SH3BGRL2: variants seen among roughly 807,000 people sequenced by gnomAD.
SH3BGRL2 encodes SH3 domain binding glutamate rich protein like 2, also known as SH3 domain-binding glutamic acid-rich-like protein 2.
Under a neutral mutation model 14.8 loss-of-function variants are expected in SH3BGRL2, and 21 were observed. The ratio of observed to expected loss-of-function variants is 1.42; its 90% CI spans 1.01 to 2.05. SH3BGRL2 has a LOEUF of 2.05. Among genes scored for constraint, SH3BGRL2 ranks in the 30% most tolerant of loss-of-function variants. SH3BGRL2 has a pLI of 0.00. For synonymous variants in SH3BGRL2, 50 were observed against 47.8 expected, an observed-to-expected ratio of 1.05 and a Z score of -0.19; for missense variants, 147 against 130.8, an observed-to-expected ratio of 1.12 and a Z score of -0.61.
the SH3BGRL2 span, among the ~76,000 whole-genome samples, chr6:79,569,025 G>A: frequency 1.3e-5 from 2 of 152,162 alleles, no homozygotes; most frequent in African/African-American, 4.8e-5. Flanking sequence ...GAGAACATGT[G>A]CCCAAGGTGG....
At chr6:79,637,012 A>C (rs1300593799) in intron 1 of SH3BGRL2, among the ~76,000 whole-genome samples, 1 of 152,204 alleles carries the variant, frequency 6.6e-6, no homozygotes, top group Non-Finnish European at 1.5e-5. Flanking sequence ...CAACATGAGG[A>C]TTGAAATAAA....
the SH3BGRL2 span, among the ~76,000 whole-genome samples, chr6:79,539,145 A>G: frequency 6.6e-6 from 1 of 152,192 alleles, no homozygotes; most frequent in African/African-American, 2.4e-5. Context: ...AAATAACAGT[A>G]TCAGTTTGAC....
At chr6:79,672,302 A>G (rs993743637) in intron 1 of SH3BGRL2, among the ~76,000 whole-genome samples, 28 of 152,142 alleles carry the variant, frequency 1.8e-4, no homozygotes, top group Non-Finnish European at 1.5e-5. Context: ...TTCCTTACCC[A>G]ATTCCTGCTC....
the SH3BGRL2 span, among the ~76,000 whole-genome samples, chr6:79,539,928 C>T: frequency 6.6e-6 from 1 of 152,120 alleles, no homozygotes; most frequent in African/African-American, 2.4e-5. Flanking sequence ...AGCAGTGTCA[C>T]AATTTTATAT....
At chr6:79,627,889 G>A (rs1340781979), upstream of SH3BGRL2, among the ~76,000 whole-genome samples, 2 of 152,010 alleles carry the variant, frequency 1.3e-5, no homozygotes, top group Admixed American at 1.3e-4. Context: ...AGCCTAAAGG[G>A]ACTTGATAGA....
chr6:79,661,667 T>C (rs1403321270), intron 1 of SH3BGRL2, among the ~76,000 whole-genome samples: 1 of 152,180 alleles, frequency 6.6e-6, no homozygotes, highest in East Asian at 1.9e-4. Flanking sequence ...CAGAGCTGAG[T>C]TCAAGTCCTG....
chr6:79,556,510 T>A, the SH3BGRL2 span, among the ~76,000 whole-genome samples: 1 of 152,178 alleles, frequency 6.6e-6, no homozygotes, highest in South Asian at 2.1e-4. Context: ...ACAAAAATAC[T>A]GAATACTGAT....
At chr6:79,556,384 A>G in the SH3BGRL2 span, among the ~76,000 whole-genome samples, 307 of 152,302 alleles carry the variant, frequency 2.0e-3, 1 homozygote, top group African/African-American at 6.9e-3. Flanking sequence ...TTACCCAAAG[A>G]GAATTTACTA....
chr6:79,555,313 G>A, the SH3BGRL2 span, among the ~76,000 whole-genome samples: 1 of 151,956 alleles, frequency 6.6e-6, no homozygotes, highest in Non-Finnish European at 1.5e-5. Flanking sequence ...AGCTGGGCGT[G>A]GTGTTGGGCA....
At chr6:79,684,495 A>G (rs1770054499) in intron 2 of SH3BGRL2, among the ~76,000 whole-genome samples, 1 of 152,016 alleles carries the variant, frequency 6.6e-6, no homozygotes, top group Non-Finnish European at 1.5e-5. Context: ...CACAGAACAT[A>G]CCTAACAAAC....
At chr6:79,581,319 C>T in the SH3BGRL2 span, among the ~76,000 whole-genome samples, 2 of 151,956 alleles carry the variant, frequency 1.3e-5, no homozygotes, top group African/African-American at 4.8e-5. Context: ...TACCAAAGCC[C>T]AGCAGAGACA....
At chr6:79,695,694 C>A (rs902018286) in intron 2 of SH3BGRL2, among the ~76,000 whole-genome samples, 12 of 152,186 alleles carry the variant, frequency 7.9e-5, no homozygotes, top group African/African-American at 2.7e-4. Context: ...AATAACATAA[C>A]ATTTATAAGA....
At chr6:79,571,155 A>C in the SH3BGRL2 span, among the ~76,000 whole-genome samples, 2 of 152,218 alleles carry the variant, frequency 1.3e-5, no homozygotes, top group African/African-American at 4.8e-5. Context: ...AAAGCGCATT[A>C]ATGCTGGTAT....
chr6:79,559,508 CAA>C, the SH3BGRL2 span, among the ~76,000 whole-genome samples: 6 of 151,900 alleles, frequency 3.9e-5, no homozygotes. Flanking sequence ...TTATAAAAGA[CAA>C]AGAAAAACTA....
chr6:79,673,525 TCAATGAC>T, intron 1 of SH3BGRL2, 82 bp from the exon 2 acceptor site: 1 of 1,316,882 alleles, frequency 7.6e-7, no homozygotes, highest in Admixed American at 2.2e-5. Flanking sequence ...TTTTTTTGTA[TCAATGAC>T]ATAAATCTAG....
At chr6:79,675,775 A>G (rs1312284485) in intron 2 of SH3BGRL2, among the ~76,000 whole-genome samples, 1 of 152,134 alleles carries the variant, frequency 6.6e-6, no homozygotes, top group Non-Finnish European at 1.5e-5. Context: ...TGAATACAAG[A>G]TCTTAACTAA....
chr6:79,617,806 T>C, the SH3BGRL2 span, among the ~76,000 whole-genome samples: 2 of 152,218 alleles, frequency 1.3e-5, no homozygotes, highest in Admixed American at 6.5e-5. Flanking sequence ...TCACAGGTGA[T>C]TTGTACTTCA....
At chr6:79,615,828 C>CTTT in the SH3BGRL2 span, among the ~76,000 whole-genome samples, 2 of 72,590 alleles carry the variant, frequency 2.8e-5, no homozygotes, top group African/African-American at 5.4e-5. Flanking sequence ...TTTTTTTTTT[C>CTTT]TTTCTTTTTT....
chr6:79,626,659 C>G (rs1768731864), upstream of SH3BGRL2, among the ~76,000 whole-genome samples: 1 of 152,210 alleles, frequency 6.6e-6, no homozygotes, highest in Non-Finnish European at 1.5e-5. Flanking sequence ...AGGGCTGTGC[C>G]TGTAGATGGT....
Sources: gnomAD v4.1 joint callset for allele counts (sites outside exome capture counted in the v4.1 genomes callset) on GRCh38, gnomAD v4.1.1 for gene constraint, MANE v1.5 for transcripts, NCBI Gene and HGNC (gene_info 2026-07-23, HGNC 2026-07-21) for gene names.